The following NTNG1 variants were observed in gnomAD, a reference collection of about 807,000 sequenced individuals.
NTNG1 encodes netrin-G1.
A neutral mutation model predicts 54.0 loss-of-function variants in NTNG1; 16 were observed. The ratio of observed to expected loss-of-function variants is 0.30; its 90% CI spans 0.20 to 0.45. The LOEUF (loss-of-function observed/expected upper bound fraction) is 0.45, where lower values mean the gene tolerates loss of function less well. Among genes scored for constraint, NTNG1 ranks in the 20% least tolerant of loss-of-function variants. NTNG1 has a pLI of 1.00. For missense variants in NTNG1, 530 were observed against 678.7 expected, an observed-to-expected ratio of 0.78 and a Z score of 2.43; for synonymous variants, 255 against 263.1, an observed-to-expected ratio of 0.97 and a Z score of 0.30.
chr1:107,252,223 A>G (rs1032979787), intron 2 of NTNG1, among the ~76,000 whole-genome samples: 2 of 152,168 alleles, frequency 1.3e-5, no homozygotes, highest in Non-Finnish European at 2.9e-5. Flanking sequence ...ACTGGCACCT[A>G]CTTTTATATA....
chr1:107,226,279 C>A (rs1173637765), intron 2 of NTNG1, among the ~76,000 whole-genome samples: 1 of 152,098 alleles, frequency 6.6e-6, no homozygotes, highest in East Asian at 1.9e-4. Flanking sequence ...AGATGTTAAA[C>A]GCTAAATGCA....
intron 3 of NTNG1, among the ~76,000 whole-genome samples, chr1:107,328,769 C>T (rs1668105719): frequency 6.6e-6 from 1 of 151,924 alleles, no homozygotes; most frequent in South Asian, 2.1e-4. Context: ...TTGAGGTAAA[C>T]AATTTCAAAG....
chr1:107,243,280 A>G (rs1401474192), intron 2 of NTNG1, among the ~76,000 whole-genome samples: 1 of 152,220 alleles, frequency 6.6e-6, no homozygotes, highest in Non-Finnish European at 1.5e-5. Context: ...AAGTGACCCA[A>G]AAGTTGGCTC....
intron 2 of NTNG1, among the ~76,000 whole-genome samples, chr1:107,317,324 C>A (rs1034776206): frequency 1.3e-5 from 2 of 152,052 alleles, no homozygotes; most frequent in African/African-American, 4.8e-5. Flanking sequence ...TAATTCAAGA[C>A]CATCTATAAG....
intron 2 of NTNG1, among the ~76,000 whole-genome samples, chr1:107,158,202 G>C (rs1470735821): frequency 6.6e-6 from 1 of 152,094 alleles, no homozygotes; most frequent in Non-Finnish European, 1.5e-5. Context: ...AGTCTAATTG[G>C]CAGGCTGGTT....
intron 5 of NTNG1, among the ~76,000 whole-genome samples, chr1:107,411,789 A>C (rs1570904397): frequency 6.6e-6 from 1 of 152,262 alleles, no homozygotes; most frequent in African/African-American, 2.4e-5. Flanking sequence ...TCCCAGGTGA[A>C]ATGCCTTTGG....
At chr1:107,247,182 T>TG (rs1383408445) in intron 2 of NTNG1, among the ~76,000 whole-genome samples, 1 of 152,236 alleles carries the variant, frequency 6.6e-6, no homozygotes, top group Non-Finnish European at 1.5e-5. Context: ...ATTTCCTGAA[T>TG]ACTAAGTGGG....
chr1:107,464,976 C>G (rs1462598138), intron 7 of NTNG1, among the ~76,000 whole-genome samples: 1 of 152,166 alleles, frequency 6.6e-6, no homozygotes, highest in East Asian at 1.9e-4. Context: ...GGCCCAACCC[C>G]ACATTCCCCC....
chr1:107,211,337 T>C (rs1659585715), intron 2 of NTNG1, among the ~76,000 whole-genome samples: 1 of 152,174 alleles, frequency 6.6e-6, no homozygotes, highest in African/African-American at 2.4e-5. Flanking sequence ...TTATTTACTC[T>C]TATCTTCATA....
intron 2 of NTNG1, among the ~76,000 whole-genome samples, chr1:107,266,005 G>A (rs1663713902): frequency 1.3e-5 from 2 of 152,094 alleles, no homozygotes; most frequent in African/African-American, 4.8e-5. Flanking sequence ...TTCAATCTTT[G>A]TGCTTTCTTT....
chr1:107,408,917 G>C (rs1192167906), intron 5 of NTNG1: 1 of 152,124 alleles, frequency 6.6e-6, no homozygotes, highest in East Asian at 1.9e-4. Context: ...TGCACAGTCA[G>C]GTGTCCCAAT....
At chr1:107,216,218 T>A (rs1332236035) in intron 2 of NTNG1, among the ~76,000 whole-genome samples, 1 of 152,204 alleles carries the variant, frequency 6.6e-6, no homozygotes, top group Non-Finnish European at 1.5e-5. Flanking sequence ...CATCCTTGTC[T>A]TATTCCAGTT....
At chr1:107,468,969 G>A (rs1214807868) in intron 7 of NTNG1, among the ~76,000 whole-genome samples, 13 of 151,750 alleles carry the variant, frequency 8.6e-5, no homozygotes, top group Admixed American at 7.9e-4. Flanking sequence ...GGTGGCGCGC[G>A]CCTATAATCC....
chr1:107,230,258 C>G (rs923711701), intron 2 of NTNG1, among the ~76,000 whole-genome samples: 1 of 152,082 alleles, frequency 6.6e-6, no homozygotes, highest in South Asian at 2.1e-4. Flanking sequence ...GGACATCCCT[C>G]GGTGTAAGAG....
intron 7 of NTNG1, among the ~76,000 whole-genome samples, chr1:107,446,653 T>G (rs1676324061): frequency 6.6e-6 from 1 of 152,098 alleles, no homozygotes; most frequent in Non-Finnish European, 1.5e-5. Context: ...CTCTTTTCAG[T>G]GTGATTGAGC....
At chr1:107,195,703 A>C (rs944407272) in intron 2 of NTNG1, among the ~76,000 whole-genome samples, 21 of 151,910 alleles carry the variant, frequency 1.4e-4, no homozygotes, top group Admixed American at 6.6e-4. Context: ...TTGTTCTTAA[A>C]TATTCCAAAT....
rs1468068417 is a variant in NTNG1, at chr1:107,481,260, C to T, written c.*420C>T. On this transcript the variant is annotated 3_prime_UTR_variant, in exon 8 of 8. Coordinates refer to ENST00000370068, the MANE Select transcript of NTNG1 (RefSeq NM_001113226.3). ...AAATAGCATTCTTTGCTGTCAGGTG[C>T]ATTGTGGGCATAAGGAAATCTGTTA... 1.1e-5 allele frequency: 2 copies of T among 179,424 alleles called. No homozygotes were observed. Among genetic ancestry groups the T allele is most frequent in the Non-Finnish European group, 2.3e-5 (2 of 86,536 alleles). The allele number at this position is 179,424 out of a possible 1,614,324, so 11.1% of individuals were successfully genotyped here. A position where few individuals can be genotyped will look rare whatever the true frequency, so the allele number is the denominator to read the frequency against.
intron 3 of NTNG1, among the ~76,000 whole-genome samples, chr1:107,354,300 C>A (rs1669807702): frequency 6.6e-6 from 1 of 151,596 alleles, no homozygotes; most frequent in South Asian, 2.1e-4. Flanking sequence ...GACACCCTGT[C>A]TCTACTAAAA....
intron 3 of NTNG1, among the ~76,000 whole-genome samples, chr1:107,355,285 T>G (rs988925134): frequency 2.0e-5 from 3 of 152,012 alleles, no homozygotes; most frequent in African/African-American, 7.2e-5. Flanking sequence ...ATTGTTTTTT[T>G]TAATTGACAT....
Sources: allele counts gnomAD v4.1 joint callset (sites outside exome capture counted in the v4.1 genomes callset), GRCh38; gene constraint gnomAD v4.1.1; transcripts MANE v1.5; gene names NCBI Gene and HGNC (gene_info 2026-07-23, HGNC 2026-07-21).